PCDHAC1: variants seen among roughly 807,000 people sequenced by gnomAD.
PCDHAC1 encodes protocadherin alpha-C1.
In PCDHAC1, 42 loss-of-function variants were observed where a neutral mutation model predicts 60.0. That is an observed-to-expected ratio of 0.70 (90% CI 0.55 to 0.90). The LOEUF (loss-of-function observed/expected upper bound fraction) is 0.90. Among genes scored for constraint, PCDHAC1 ranks in the 40% least tolerant of loss-of-function variants. The pLI, the probability that PCDHAC1 is intolerant of heterozygous loss-of-function variation, is 0.00. For synonymous variants in PCDHAC1, 468 were observed against 499.3 expected (o/e 0.94, Z 0.84); for missense variants, 1,160 against 1,222.3 (o/e 0.95, Z 0.76).
intron 1 of PCDHAC1, among the ~76,000 whole-genome samples, chr5:140,965,125 C>A (rs571083058): frequency 6.6e-6 from 1 of 152,308 alleles, no homozygotes; most frequent in Non-Finnish European, 1.5e-5. Context: ...GGAAGATCTA[C>A]AGATGACAGA....
chr5:140,951,084 T>C (rs190031878), intron 1 of PCDHAC1, among the ~76,000 whole-genome samples: 2 of 152,168 alleles, frequency 1.3e-5, no homozygotes, highest in African/African-American at 4.8e-5. Context: ...ATATTTTCCT[T>C]TTTTTCTGAT....
chr5:140,951,603 T>G (rs1056623799), intron 1 of PCDHAC1, among the ~76,000 whole-genome samples: 2 of 152,094 alleles, frequency 1.3e-5, no homozygotes, highest in African/African-American at 4.8e-5. Flanking sequence ...CTCACTGTTA[T>G]GAGAATAGCA....
chr5:140,972,733 G>A (rs1037610917), intron 1 of PCDHAC1, among the ~76,000 whole-genome samples: 7 of 147,652 alleles, frequency 4.7e-5, no homozygotes, highest in Non-Finnish European at 7.4e-5. Context: ...GCGTAATCCC[G>A]GCTCACTGCA....
At position 141,009,699 on chromosome 5, in the gene PCDHAC1, G is replaced by A. The variant is rs1554262287; in HGVS notation, c.2654G>A (p.Gly885Glu). Residue 885 changes from glycine to glutamate, a missense_variant, in exon 4 of 4, where the codon GGA becomes GAA. Gly to Glu is a moderately conservative substitution (Grantham distance 98, BLOSUM62 -2). Transcript: ENST00000253807. ...AGCAACAGCTGGACCTTTAAATACG[G>A]ACCAGGCAACCCCAAACAATCCGGT... Reference protein sequence around the residue: ...VNSNSWTFKYGPGNPKQSGPG... With the variant: ...VNSNSWTFKYEPGNPKQSGPG... 1 of 1,614,030 alleles carries A rather than the reference G, an allele frequency of 6.2e-7. No individual in the cohort carries two copies. The highest frequency in any genetic ancestry group is 8.5e-7 in the Non-Finnish European group (1 of 1,180,010).
intron 1 of PCDHAC1, chr5:140,968,172 T>C (rs2096226402): frequency 6.2e-7 from 1 of 1,614,110 alleles, no homozygotes; most frequent in Non-Finnish European, 8.5e-7. Flanking sequence ...CCACCAAGCT[T>C]CCTGGAGGAC....
Position 140,929,053 on chromosome 5 carries a change from T to C in PCDHAC1, c.2161T>C (p.Ser721Pro), listed in dbSNP as rs781847457. 6.2e-7 allele frequency: 1 copy of C among 1,614,182 alleles called. No homozygotes were observed. Among genetic ancestry groups the C allele is most frequent in the Non-Finnish European group, 8.5e-7 (1 of 1,180,032 alleles). The change falls in exon 1 of 4, where the codon TCT becomes CCT. Residue 721 changes from serine (S) to proline (P), a missense_variant. Transcript: ENST00000253807. ...CTGTTGCGCTCAGAGCTGCTGTCGC[T>C]CTACAGAGGATCTGAGGTATGGAAG... ...PGCCAQSCCRSTEDLRYGSKM... is the reference protein window; with the variant it reads ...PGCCAQSCCRPTEDLRYGSKM...
intron 1 of PCDHAC1, among the ~76,000 whole-genome samples, chr5:140,962,354 A>G (rs80298031): frequency 0.023 from 3,560 of 152,266 alleles, 46 homozygotes; most frequent in Middle Eastern, 0.034. Context: ...ACTCCCCCCA[A>G]TACTGGCTAG....
chr5:141,006,465 G>T (rs1338372692), intron 3 of PCDHAC1, among the ~76,000 whole-genome samples: 3 of 151,948 alleles, frequency 2.0e-5, no homozygotes, highest in Non-Finnish European at 4.4e-5. Context: ...TGCCTGTCTC[G>T]GCCTCCCAAA....
intron 3 of PCDHAC1, among the ~76,000 whole-genome samples, chr5:141,008,567 T>C (rs1171779674): frequency 1.3e-5 from 2 of 152,182 alleles, no homozygotes; most frequent in African/African-American, 4.8e-5. Flanking sequence ...TGCATAATCA[T>C]TTTCCCAAGA....
chr5:140,967,073 G>C (rs1554229137), intron 1 of PCDHAC1: 1 of 1,613,160 alleles, frequency 6.2e-7, no homozygotes, highest in Non-Finnish European at 8.5e-7. Context: ...CTTCGTCAAC[G>C]AGCGCATTGA....
At chr5:140,961,690 C>T (rs573918307) in intron 1 of PCDHAC1, among the ~76,000 whole-genome samples, 2 of 152,154 alleles carry the variant, frequency 1.3e-5, no homozygotes, top group African/African-American at 4.8e-5. Context: ...CGGAGTAGTC[C>T]TTAGTATGAA....
rs782761361 is a variant in PCDHAC1, at chr5:140,927,794, C to T, written c.902C>T (p.Pro301Leu). 1.2e-5 allele frequency: 20 copies of T among 1,614,154 alleles called. No individual in the cohort carries two copies. In the South Asian group the frequency reaches 1.6e-4, roughly 13 times the overall value. ...GEVQVAASLG[P>L]PETLLEAYIE... Reference sequence around the variant, plus strand: ...GTGCAAGTAGCTGCTTCACTAGGTCCGCCTGAAACGCTCTTGGAGGCATAC... The same window carrying T: ...GTGCAAGTAGCTGCTTCACTAGGTCTGCCTGAAACGCTCTTGGAGGCATAC... The change falls in exon 1 of 4, where the codon CCG becomes CTG. Residue 301 changes from proline to leucine, a missense_variant. Pro to Leu is a moderately conservative substitution (Grantham distance 98). This residue lies in a region of PCDHAC1 where 1,113 missense variants were observed against 1,163.7 expected (regional missense o/e 0.96). Coordinates refer to ENST00000253807, the MANE Select transcript of PCDHAC1 (RefSeq NM_018898.5).
At chr5:140,948,259 G>A (rs1430770984) in intron 1 of PCDHAC1, among the ~76,000 whole-genome samples, 3 of 151,464 alleles carry the variant, frequency 2.0e-5, no homozygotes, top group Non-Finnish European at 3.0e-5. Context: ...TTACATCTGT[G>A]TTCATGTAGA....
Position 140,926,722 on chromosome 5 carries a change from C to A in PCDHAC1, c.-171C>A. On this transcript the variant is annotated 5_prime_UTR_variant, in exon 1 of 4. Coordinates refer to ENST00000253807, the MANE Select transcript of PCDHAC1 (RefSeq NM_018898.5). ...TCCCAGCTGGCCAGCCCCGGCAATG[C>A]CGGCGTTCGGGAGGCGCAACGTCGG... The A allele has an allele frequency of 9.7e-7, 1 of 1,027,126 alleles. No individual in the cohort carries two copies. The highest frequency in any genetic ancestry group is 3.0e-5 in the East Asian group (1 of 33,444). 63.6% of individuals were successfully genotyped at this position (1,027,126 alleles called of 1,614,324 possible). A position where few individuals can be genotyped will look rare whatever the true frequency, so the allele number is the denominator to read the frequency against.
chr5:140,955,676 C>T (rs374545278), intron 1 of PCDHAC1, among the ~76,000 whole-genome samples: 40 of 152,096 alleles, frequency 2.6e-4, no homozygotes, highest in African/African-American at 8.7e-4. Context: ...ATAGTTTTTT[C>T]GAAATCTGTG....
chr5:141,008,074 G>A (rs1484978543), intron 3 of PCDHAC1, among the ~76,000 whole-genome samples: 1 of 151,988 alleles, frequency 6.6e-6, no homozygotes, highest in Non-Finnish European at 1.5e-5. Flanking sequence ...AGAACTTATT[G>A]GGGTTATTCT....
chr5:140,962,791 T>G (rs998586099), intron 1 of PCDHAC1, among the ~76,000 whole-genome samples: 19 of 152,252 alleles, frequency 1.2e-4, no homozygotes, highest in Admixed American at 1.1e-3. Context: ...TAAAAACTAC[T>G]TTGGACAACT....
intron 1 of PCDHAC1, among the ~76,000 whole-genome samples, chr5:140,972,667 T>G (rs1442293512): frequency 1.3e-5 from 2 of 149,086 alleles, no homozygotes; most frequent in East Asian, 3.9e-4. Context: ...CAAATTTTTT[T>G]TTTTTTTTTT....
intron 1 of PCDHAC1, chr5:140,966,979 C>T (rs1554229021): frequency 2.5e-6 from 4 of 1,603,612 alleles, no homozygotes; most frequent in Admixed American, 1.7e-5. Context: ...AGCTGCGGCG[C>T]TTGGGGCCGG....
Sources: gnomAD v4.1 joint callset for allele counts (sites outside exome capture counted in the v4.1 genomes callset) on GRCh38, gnomAD v4.1.1 for gene constraint, gnomAD v4.1.1 regional missense constraint, MANE v1.5 for transcripts, NCBI Gene and HGNC (gene_info 2026-07-23, HGNC 2026-07-21) for gene names.